The following CCDC12 variants were observed in gnomAD, a reference collection of about 807,000 sequenced individuals.
The protein encoded by CCDC12 is coiled-coil domain containing 12.
Under a neutral mutation model 25.7 loss-of-function variants are expected in CCDC12, and 28 were observed. The ratio of observed to expected loss-of-function variants is 1.09; its 90% CI spans 0.81 to 1.50. The LOEUF (loss-of-function observed/expected upper bound fraction) is 1.50. Ranked by LOEUF, CCDC12 falls within the 40% of genes most tolerant of loss-of-function variation. CCDC12 has a pLI of 0.00. For missense variants in CCDC12, 198 were observed against 210.0 expected, an observed-to-expected ratio of 0.94 and a Z score of 0.35; for synonymous variants, 75 against 87.7, an observed-to-expected ratio of 0.86 and a Z score of 0.81.
intron 2 of CCDC12, among the ~76,000 whole-genome samples, chr3:46,935,214 C>T (rs376659279): frequency 1.3e-5 from 2 of 152,312 alleles, no homozygotes; most frequent in East Asian, 1.9e-4. Context: ...TGATGGTGAC[C>T]GACTTTTCCA....
In CCDC12 at chr3:46,925,524, A is replaced by G. The variant is rs1292073958; in HGVS notation, c.176T>C (p.Leu59Pro). Residue 59 changes from leucine to proline, a missense_variant, in exon 3 of 7, where the codon CTG becomes CCG. Transcript: ENST00000683445. Reference protein sequence around the residue: ...EEGEKHRELRLRNYVPEDEDL... With the variant: ...EEGEKHRELRPRNYVPEDEDL... ...CTCATCCTCCGGGACATAGTTCCGC[A>G]GCCTAAGTTCCCTGCAAGAATAGAG... is the stretch of plus-strand genomic sequence containing the variant. The G allele has an allele frequency of 6.3e-7, 1 of 1,585,290 alleles. No individual in the cohort carries two copies. Among genetic ancestry groups the G allele is most frequent in the Non-Finnish European group, 8.6e-7 (1 of 1,160,696 alleles).
intron 2 of CCDC12, among the ~76,000 whole-genome samples, chr3:46,934,842 G>C (rs1320008128): frequency 6.6e-6 from 1 of 152,226 alleles, no homozygotes; most frequent in Non-Finnish European, 1.5e-5. Flanking sequence ...CTCTACAGTG[G>C]GACTGAAAGA....
chr3:46,964,804 A>G (rs1190975690), intron 1 of CCDC12, among the ~76,000 whole-genome samples: 1 of 152,176 alleles, frequency 6.6e-6, no homozygotes, highest in Non-Finnish European at 1.5e-5. Flanking sequence ...ACCCAGGGAC[A>G]CAAACACTGC....
intron 5 of CCDC12, 114 bp downstream of exon 5, chr3:46,923,215 G>A (rs937952414): frequency 5.1e-5 from 55 of 1,085,846 alleles, no homozygotes; most frequent in Middle Eastern, 3.3e-4. Context: ...GTAACTCTAT[G>A]TCTGTACTGC....
intron 2 of CCDC12, among the ~76,000 whole-genome samples, chr3:46,938,843 C>T (rs759786521): frequency 1.3e-4 from 19 of 151,732 alleles, no homozygotes; most frequent in Non-Finnish European, 2.1e-4. Flanking sequence ...CAGAGCGAGA[C>T]CCCATCTCAA....
chr3:46,947,798 G>A (rs1429591542), intron 1 of CCDC12, among the ~76,000 whole-genome samples: 1 of 152,220 alleles, frequency 6.6e-6, no homozygotes, highest in Non-Finnish European at 1.5e-5. Context: ...GTGCACAGGA[G>A]CGGGGAAATC....
intron 1 of CCDC12, among the ~76,000 whole-genome samples, chr3:46,958,026 C>T (rs1231863886): frequency 6.8e-6 from 1 of 148,084 alleles, no homozygotes; most frequent in Non-Finnish European, 1.5e-5. Flanking sequence ...AGAACCAGTG[C>T]CCTTACACAA....
chr3:46,947,549 C>A (rs1384658031), intron 1 of CCDC12, among the ~76,000 whole-genome samples: 1 of 152,208 alleles, frequency 6.6e-6, no homozygotes, highest in Non-Finnish European at 1.5e-5. Flanking sequence ...TGCCCAGAGA[C>A]TGGCAGGGGG....
At chr3:46,951,798 A>AAAAAATATATATATAT in intron 1 of CCDC12, among the ~76,000 whole-genome samples, 1 of 8,466 alleles carries the variant, frequency 1.2e-4, no homozygotes, top group Non-Finnish European at 2.8e-4. Flanking sequence ...AAAAAAAAAA[A>AAAAAATATATATATAT]ATATATATAT....
At chr3:46,979,863 TG>T, upstream of CCDC12, 1 of 468,050 alleles carries the variant, frequency 2.1e-6, no homozygotes, top group Non-Finnish European at 3.8e-6. Context: ...GGCCGGGCCA[TG>T]GCCGCCTCGG....
At chr3:46,929,201 G>A (rs1218946611) in intron 2 of CCDC12, among the ~76,000 whole-genome samples, 9 of 152,126 alleles carry the variant, frequency 5.9e-5, no homozygotes, top group Admixed American at 2.0e-4. Flanking sequence ...GATGTATGTT[G>A]TTATGCCTGT....
intron 1 of CCDC12, among the ~76,000 whole-genome samples, chr3:46,949,464 C>G (rs1488679743): frequency 6.6e-6 from 1 of 152,204 alleles, no homozygotes; most frequent in East Asian, 1.9e-4. Context: ...ACGAGTTCCT[C>G]TGGGAAGTCT....
At chr3:46,975,841 A>T (rs1459285631) in intron 1 of CCDC12, among the ~76,000 whole-genome samples, 40 of 70,376 alleles carry the variant, frequency 5.7e-4, no homozygotes, top group Non-Finnish European at 7.9e-4. Flanking sequence ...TTTATTTTCG[A>T]TTTTTTTTTT....
Position 46,921,854 on chromosome 3 carries a change from C to T in CCDC12, c.*203G>A, listed in dbSNP as rs1575532245. The T allele has an allele frequency of 1.7e-6, 1 of 604,160 alleles. No individual in the cohort carries two copies. The highest frequency in any genetic ancestry group is 2.0e-5 in the South Asian group (1 of 50,472). The allele number at this position is 604,160 out of a possible 1,614,324, so 37.4% of individuals were successfully genotyped here. On this transcript the variant is annotated 3_prime_UTR_variant, in exon 7 of 7. Transcript: ENST00000683445. ...GACACAGGCACGCCCAGAGTTGTTG[C>T]TGGTTCTGCCTCCATTCAGAATGGC...
intron 1 of CCDC12, among the ~76,000 whole-genome samples, chr3:46,973,303 A>G (rs1392142974): frequency 6.6e-6 from 1 of 150,576 alleles, no homozygotes; most frequent in Non-Finnish European, 1.5e-5. Flanking sequence ...CAGTGAGCTG[A>G]GATCGTGCCA....
rs1172679518 is a variant in CCDC12 at position 46,922,273 on chromosome 3, T to C, written c.381A>G (p.Leu127=). ...KRDVAKKLEK[L]KKRTQRAIAE... ...CAATGGCCCTCTGAGTCCGCTTTTTTAGTTTCTCCAGCTTCTTGGCCACAT... is the reference window on the plus strand; with the variant it reads ...CAATGGCCCTCTGAGTCCGCTTTTTCAGTTTCTCCAGCTTCTTGGCCACAT... The change falls in exon 6 of 7, where the codon CTA becomes CTG. Residue 127 remains leucine, a synonymous_variant. Coordinates refer to ENST00000683445, the MANE Select transcript of CCDC12 (RefSeq NM_001277074.2). 1.9e-6 allele frequency: 3 copies of C among 1,614,264 alleles called. No individual in the cohort carries two copies. Among genetic ancestry groups the C allele is most frequent in the Non-Finnish European group, 2.5e-6 (3 of 1,180,038 alleles).
intron 1 of CCDC12, among the ~76,000 whole-genome samples, chr3:46,955,679 G>A (rs1012187129): frequency 3.3e-5 from 5 of 152,188 alleles, no homozygotes; most frequent in Admixed American, 3.3e-4. Context: ...CTGGAGGACA[G>A]GTAGAGAGGT....
chr3:46,947,129 C>T, intron 1 of CCDC12, among the ~76,000 whole-genome samples: 1 of 152,202 alleles, frequency 6.6e-6, no homozygotes, highest in East Asian at 1.9e-4. Context: ...TGGGAAACTG[C>T]CCTCTGTTCA....
At chr3:46,962,577 G>A (rs1451470956) in intron 1 of CCDC12, among the ~76,000 whole-genome samples, 1 of 151,780 alleles carries the variant, frequency 6.6e-6, no homozygotes, top group Non-Finnish European at 1.5e-5. Context: ...ACAGGCAACT[G>A]AATAAAAAGG....
Sources: allele counts gnomAD v4.1 joint callset (sites outside exome capture counted in the v4.1 genomes callset), GRCh38; gene constraint gnomAD v4.1.1; transcripts MANE v1.5; gene names NCBI Gene and HGNC (gene_info 2026-07-23, HGNC 2026-07-21).